ZFHX3: variants seen among roughly 807,000 people sequenced by gnomAD.
ZFHX3 encodes zinc finger homeobox protein 3.
A neutral mutation model predicts 279.1 loss-of-function variants in ZFHX3; 42 were observed. That is an observed-to-expected ratio of 0.15 (90% CI 0.12 to 0.19). ZFHX3 has a LOEUF of 0.19. Ranked by LOEUF, ZFHX3 falls within the 10% of genes least tolerant of loss-of-function variation. The pLI is 1.00. For synonymous variants in ZFHX3, 2,293 were observed against 1,957.8 expected (o/e 1.17, Z -4.52); for missense variants, 4,981 against 4,754.0 (o/e 1.05, Z -1.40).
chr16:73,664,953 C>G (rs1225098370), intron 2 of ZFHX3, among the ~76,000 whole-genome samples: 1 of 152,152 alleles, frequency 6.6e-6, no homozygotes, highest in Non-Finnish European at 1.5e-5. Context: ...ACATAGTCAG[C>G]AGCACAGTCA....
At chr16:73,858,451 C>G (rs2142387305) in intron 1 of ZFHX3, among the ~76,000 whole-genome samples, 1 of 152,284 alleles carries the variant, frequency 6.6e-6, no homozygotes, top group East Asian at 1.9e-4. Context: ...AGCACTGAAA[C>G]TACATTTGCC....
intron 2 of ZFHX3, among the ~76,000 whole-genome samples, chr16:73,525,622 T>G (rs1419323105): frequency 2.0e-5 from 3 of 152,170 alleles, no homozygotes; most frequent in Admixed American, 1.3e-4. Flanking sequence ...TACCCCAAGA[T>G]ACCACTAAGT....
At chr16:73,481,686 T>C (rs1049200467) in intron 2 of ZFHX3, among the ~76,000 whole-genome samples, 1 of 152,044 alleles carries the variant, frequency 6.6e-6, no homozygotes, top group Non-Finnish European at 1.5e-5. Flanking sequence ...AGAGATAGGG[T>C]CTCACTATGT....
intron 3 of ZFHX3, among the ~76,000 whole-genome samples, chr16:72,936,679 A>C (rs975783458): frequency 5.3e-5 from 8 of 152,192 alleles, no homozygotes; most frequent in Non-Finnish European, 1.0e-4. Context: ...AGAGGGTTGT[A>C]AAATGAGGTC....
chr16:72,797,044 A>T lies in ZFHX3; in HGVS notation c.5638T>A (p.Leu1880Met). The change falls in exon 9 of 10, where the codon TTG becomes ATG. Residue 1880 changes from leucine (L) to methionine (M), a missense_variant. By Grantham distance (15) the Leu-to-Met change is conservative (BLOSUM62 2). Transcript: ENST00000268489. ...TCTTTTTCCTTTTCTTTGATGACCA[A>T]TTTGTTCTTCTTTTCGGGGTGCTGG... ...PSQHPEKKNK[L>M]VIKEKEKESQ... 1 of 1,613,472 alleles carries T rather than the reference A, an allele frequency of 6.2e-7. No individual in the cohort carries two copies. The highest frequency in any genetic ancestry group is 8.5e-7 in the Non-Finnish European group (1 of 1,179,894).
intron 4 of ZFHX3, among the ~76,000 whole-genome samples, chr16:73,274,044 T>G (rs892106524): frequency 1.3e-5 from 2 of 152,268 alleles, no homozygotes; most frequent in African/African-American, 2.4e-5. Flanking sequence ...CTCGGGAGGC[T>G]GAGGCAGGAG....
intron 3 of ZFHX3, among the ~76,000 whole-genome samples, chr16:73,436,424 G>C (rs977901847): frequency 2.0e-5 from 3 of 152,174 alleles, no homozygotes; most frequent in Non-Finnish European, 4.4e-5. Flanking sequence ...GCAGACAAGA[G>C]AGAATGAGAA....
chr16:73,733,026 G>C (rs1469897379), intron 1 of ZFHX3, among the ~76,000 whole-genome samples: 1 of 152,152 alleles, frequency 6.6e-6, no homozygotes, highest in Non-Finnish European at 1.5e-5. Context: ...TTATTTTAAT[G>C]TTAGGTGATG....
intron 1 of ZFHX3, among the ~76,000 whole-genome samples, chr16:73,812,946 C>A (rs1436615389): frequency 6.6e-6 from 1 of 152,140 alleles, no homozygotes; most frequent in Non-Finnish European, 1.5e-5. Flanking sequence ...CACTAGGGCA[C>A]CACATGAAAT....
At chr16:73,038,548 G>A (rs890655800) in intron 1 of ZFHX3, among the ~76,000 whole-genome samples, 2 of 152,194 alleles carry the variant, frequency 1.3e-5, no homozygotes, top group South Asian at 2.1e-4. Context: ...GGTTCTGAGC[G>A]TTGAGACCAG....
chr16:73,354,658 C>A (rs976738277), intron 3 of ZFHX3, among the ~76,000 whole-genome samples: 1 of 152,182 alleles, frequency 6.6e-6, no homozygotes, highest in African/African-American at 2.4e-5. Context: ...AATTTTCCCG[C>A]TTTCAGTGTG....
chr16:73,023,204 C>T (rs921180621), intron 1 of ZFHX3, among the ~76,000 whole-genome samples: 1 of 152,032 alleles, frequency 6.6e-6, no homozygotes, highest in African/African-American at 2.4e-5. Context: ...TCCAGCCTGG[C>T]GACAGAGCAA....
chr16:73,709,769 A>T (rs2053339907), intron 1 of ZFHX3, among the ~76,000 whole-genome samples: 1 of 152,214 alleles, frequency 6.6e-6, no homozygotes, highest in Admixed American at 6.5e-5. Flanking sequence ...GTCGATTTTA[A>T]ATGTTCTCAC....
intron 3 of ZFHX3, among the ~76,000 whole-genome samples, chr16:72,906,472 T>C (rs894288154): frequency 6.6e-6 from 1 of 151,758 alleles, no homozygotes; most frequent in Non-Finnish European, 1.5e-5. Flanking sequence ...GGAATTTCCT[T>C]CAGTAAAAAT....
chr16:73,133,750 G>GTCCACCAATT (rs1452806377), intron 6 of ZFHX3, among the ~76,000 whole-genome samples: 2 of 152,178 alleles, frequency 1.3e-5, no homozygotes, highest in Non-Finnish European at 2.9e-5. Context: ...GGGGGTTCCT[G>GTCCACCAATT]TCCACCAATT....
At chr16:72,895,823 C>T (rs1267020779) in intron 3 of ZFHX3, among the ~76,000 whole-genome samples, 1 of 152,006 alleles carries the variant, frequency 6.6e-6, no homozygotes, top group Non-Finnish European at 1.5e-5. Context: ...GACCCTGTCT[C>T]AGTAAATAGA....
chr16:73,437,053 G>A (rs1033352304), intron 3 of ZFHX3, among the ~76,000 whole-genome samples: 6 of 152,184 alleles, frequency 3.9e-5, no homozygotes, highest in Non-Finnish European at 5.9e-5. Context: ...GCCTGACACC[G>A]CAATCTGGAA....
chr16:73,342,493 G>T (rs2016051176), intron 3 of ZFHX3, among the ~76,000 whole-genome samples: 1 of 152,230 alleles, frequency 6.6e-6, no homozygotes, highest in African/African-American at 2.4e-5. Context: ...TTCGGCTGGA[G>T]AAGAATGAGG....
intron 2 of ZFHX3, among the ~76,000 whole-genome samples, chr16:73,563,675 T>A (rs2020409792): frequency 6.6e-6 from 1 of 152,110 alleles, no homozygotes; most frequent in South Asian, 2.1e-4. Context: ...ACCCTCCACA[T>A]CCTGCAGTCC....
Sources: allele counts gnomAD v4.1 joint callset (sites outside exome capture counted in the v4.1 genomes callset), GRCh38; gene constraint gnomAD v4.1.1; transcripts MANE v1.5; gene names NCBI Gene and HGNC (gene_info 2026-07-23, HGNC 2026-07-21).